The following TTC14 variants were observed in gnomAD, a reference collection of about 807,000 sequenced individuals.
TTC14 encodes the protein tetratricopeptide repeat protein 14.
TTC14 carries 63 observed loss-of-function variants against 79.9 expected under a neutral mutation model. That is an observed-to-expected ratio of 0.79 (90% CI 0.64 to 0.97). The LOEUF (loss-of-function observed/expected upper bound fraction) is 0.97. TTC14 is among the 50% of genes least tolerant of loss of function. The pLI is 0.00. For synonymous variants in TTC14, 335 were observed against 309.6 expected (o/e 1.08, Z -0.86); for missense variants, 895 against 894.0 (o/e 1.00, Z -0.01).
rs1265993698 is a variant in TTC14, at chr3:180,610,441, T to G, written c.2212T>G (p.Ser738Ala). The G allele has an allele frequency of 1.9e-6, 3 of 1,613,076 alleles. No individual in the cohort carries two copies. Among genetic ancestry groups the G allele is most frequent in the East Asian group, 2.2e-5 (1 of 44,846 alleles). The change falls in exon 12 of 12, where the codon TCA (serine) becomes GCA (alanine). Residue 738 changes from serine to alanine, a missense_variant. Ser to Ala is a moderately conservative substitution (Grantham distance 99, BLOSUM62 1). Transcript: ENST00000296015. The part of the protein sequence containing the change: ...EEDALSSKEH[S>A]ESSVKKNLPQ... Reference sequence around the variant, plus strand: ...AGATGCACTAAGTAGCAAAGAACACTCAGAAAGCAGTGTTAAGAAAAATTT... The same window carrying G: ...AGATGCACTAAGTAGCAAAGAACACGCAGAAAGCAGTGTTAAGAAAAATTT...
At chr3:180,617,024 GTCATTTA>G in intron 12 of TTC14, 2 of 911,446 alleles carry the variant, frequency 2.2e-6, no homozygotes, top group Non-Finnish European at 3.1e-6. Context: ...TTTATAACTT[GTCATTTA>G]TCAAGTATTC....
intron 1 of TTC14, 125 bp from the exon 2 acceptor site, chr3:180,602,766 C>CT (rs1716440053): frequency 1.7e-6 from 2 of 1,179,932 alleles, no homozygotes; most frequent in Admixed American, 2.9e-5. Context: ...AACTTTTTGT[C>CT]TGAGGTTGTA....
chr3:180,607,585 G>A, intron 9 of TTC14, 63 bp from the exon 10 acceptor site: 5 of 1,545,244 alleles, frequency 3.2e-6, no homozygotes, highest in Non-Finnish European at 4.3e-6. Flanking sequence ...CCTTTGACCT[G>A]TATGCATATT....
Position 180,602,408 on chromosome 3 carries a change from C to T in TTC14, c.147C>T (p.His49=). Residue 49 remains histidine (H), a synonymous_variant, in exon 1 of 12, where the codon CAC becomes CAT. Coordinates refer to ENST00000296015, the MANE Select transcript of TTC14 (RefSeq NM_133462.4). ...AEPARGPPPQ[H]PLQGRKEKRV... is the part of the protein sequence containing the mutation. Reference sequence around the variant, plus strand: ...CAGCCCGGGGCCCGCCGCCCCAGCACCCGTTGCAGGGCAGGTAATGAGACG... The same window carrying T: ...CAGCCCGGGGCCCGCCGCCCCAGCATCCGTTGCAGGGCAGGTAATGAGACG... The T allele has an allele frequency of 1.2e-6, 2 of 1,606,236 alleles. No individual in the cohort carries two copies. The highest frequency in any genetic ancestry group is 1.7e-6 in the Non-Finnish European group (2 of 1,178,928).
chr3:180,608,798 A>G lies in TTC14; in HGVS notation c.1388A>G (p.Lys463Arg). ...TSAEKLRKLL[K>R]EEKRLKKKRR... is the part of the protein sequence containing the mutation. Reference sequence around the variant, plus strand: ...GCAGAAAAGTTGCGTAAGCTCTTAAAAGAAGAGAAGAGGTAAACTATAATA... The same window carrying G: ...GCAGAAAAGTTGCGTAAGCTCTTAAGAGAAGAGAAGAGGTAAACTATAATA... The change falls in exon 11 of 12, where the codon AAA becomes AGA. Residue 463 changes from lysine to arginine, a missense_variant. Transcript: ENST00000296015. 1.3e-6 allele frequency: 2 copies of G among 1,538,298 alleles called. No individual in the cohort carries two copies. Among genetic ancestry groups the G allele is most frequent in the Non-Finnish European group, 1.7e-6 (2 of 1,148,316 alleles).
downstream of TTC14, chr3:180,611,168 TCA>T: frequency 1.0e-6 from 1 of 985,350 alleles, no homozygotes; most frequent in South Asian, 4.7e-5. Context: ...AGGAATAAGA[TCA>T]TAAAAGTTGA....
chr3:180,610,715 C>T lies in TTC14; in HGVS notation c.*173C>T, dbSNP rs1020787012. ...TCAAATTTTGTTTCAGTTCTAGGTC[C>T]CTTGTCACAGCTTGGTTTTTAGACT... On this transcript the variant is annotated 3_prime_UTR_variant, in exon 12 of 12. Transcript: ENST00000296015. 6.7e-6 allele frequency: 9 copies of T among 1,338,866 alleles called. No individual in the cohort carries two copies. The highest frequency in any genetic ancestry group is 3.7e-5 in the Admixed American group (1 of 27,132). The allele number at this position is 1,338,866 out of a possible 1,614,324, so 82.9% of individuals were successfully genotyped here.
chr3:180,612,475 GAAGC>G (rs919613227), downstream of TTC14, among the ~76,000 whole-genome samples: 5 of 152,112 alleles, frequency 3.3e-5, no homozygotes, highest in Admixed American at 1.3e-4. Flanking sequence ...CTCAAAAGTG[GAAGC>G]AAGAGGGGCT....
chr3:180,607,628 A>T lies in TTC14; in HGVS notation c.1173-20A>T, dbSNP rs1716764841. 1 of 1,594,102 alleles carries T rather than the reference A, an allele frequency of 6.3e-7. No homozygotes were observed. The highest frequency in any genetic ancestry group is 1.1e-5 in the South Asian group (1 of 87,566). On this transcript the variant is annotated intron_variant, in intron 9 of 11. Transcript: ENST00000296015. ...TTTTGTTGTTTTTACAAAAAAGCTA[A>T]ATCTTTCTTTCAAATTTAGGTTAGA...
In TTC14 at chr3:180,609,340, T is replaced by C. The variant is rs971723663; in HGVS notation, c.1401-290T>C. On this transcript the variant is annotated intron_variant, in intron 11 of 11. Coordinates refer to ENST00000296015, the MANE Select transcript of TTC14 (RefSeq NM_133462.4). ...AACTAGAGGTAGCCAAATAAAAAAG[T>C]TGAGTTCTCCTTTATGTGTTCAGTA... 5 of 1,066,070 alleles carry C rather than the reference T, an allele frequency of 4.7e-6. No individual in the cohort carries two copies. In the African/African-American group the frequency reaches 8.4e-5, roughly 18 times the overall value. 66.0% of individuals were successfully genotyped at this position (1,066,070 alleles called of 1,614,324 possible). A position where few individuals can be genotyped will look rare whatever the true frequency, so the allele number is the denominator to read the frequency against.
Position 180,607,717 on chromosome 3 carries a change from T to G in TTC14, c.1242T>G (p.Thr414=). 1 of 1,612,544 alleles carries G rather than the reference T, an allele frequency of 6.2e-7. No individual in the cohort carries two copies. Among genetic ancestry groups the G allele is most frequent in the Non-Finnish European group, 8.5e-7 (1 of 1,179,294 alleles). ...AGAAAGCTTTGGCTTTGGATGAGAC[T>G]TTTAAAGATGCAGAGGATGCTTTGC... ...YYKKALALDE[T]FKDAEDALQK... The change falls in exon 10 of 12, where the codon ACT becomes ACG. Residue 414 remains threonine (T), a synonymous_variant. Transcript: ENST00000296015.
chr3:180,606,379 G>C lies in TTC14; in HGVS notation c.1049+7G>C. 1 of 1,613,882 alleles carries C rather than the reference G, an allele frequency of 6.2e-7. No homozygotes were observed. The stretch of plus-strand genomic sequence containing the variant: ...TGGTAGCTCGTGGAGCATTGTAAGT[G>C]AATCATACATGGATTTTAAGGAATG... On this transcript the variant is annotated splice_region_variant and intron_variant, in intron 8 of 11. Transcript: ENST00000296015.
chr3:180,603,010 G>A lies in TTC14; in HGVS notation c.281G>A (p.Ser94Asn). 1.2e-6 allele frequency: 2 copies of A among 1,613,234 alleles called. No homozygotes were observed. Among genetic ancestry groups the A allele is most frequent in the Non-Finnish European group, 1.7e-6 (2 of 1,179,800 alleles). ...APATSEINEDSEDHYAIMPPL... is the reference protein window; with the variant it reads ...APATSEINEDNEDHYAIMPPL... Reference sequence around the variant, plus strand: ...GCAACTTCTGAAATTAATGAAGACAGTGAAGGTCAGTTTAGCCTTAAAATC... The same window carrying A: ...GCAACTTCTGAAATTAATGAAGACAATGAAGGTCAGTTTAGCCTTAAAATC... The change falls in exon 2 of 12, where the codon AGT (serine) becomes AAT (asparagine). Residue 94 changes from serine (S) to asparagine (N), a missense_variant. Transcript: ENST00000296015.
In TTC14 at chr3:180,602,424, T is replaced by TA; in HGVS notation, c.161+4dup. On this transcript the variant is annotated splice_region_variant and intron_variant, in intron 1 of 11. Coordinates refer to ENST00000296015, the MANE Select transcript of TTC14 (RefSeq NM_133462.4). ...GCCCCAGCACCCGTTGCAGGGCAGG[T>TA]AATGAGACGTTGGTGCCACTGCGCC... 4 of 1,599,280 alleles carry TA rather than the reference T, an allele frequency of 2.5e-6. No homozygotes were observed. Among genetic ancestry groups the TA allele is most frequent in the Non-Finnish European group, 3.4e-6 (4 of 1,177,108 alleles).
At chr3:180,612,245 C>T (rs1576926750), downstream of TTC14, among the ~76,000 whole-genome samples, 1 of 152,246 alleles carries the variant, frequency 6.6e-6, no homozygotes, top group East Asian at 1.9e-4. Flanking sequence ...AAATTTTAAA[C>T]ACAACATTTA....
Position 180,602,441 on chromosome 3 carries a change from C to T in TTC14, c.161+19C>T. The T allele has an allele frequency of 6.3e-7, 1 of 1,586,804 alleles. No homozygotes were observed. Among genetic ancestry groups the T allele is most frequent in the Non-Finnish European group, 8.5e-7 (1 of 1,172,338 alleles). On this transcript the variant is annotated intron_variant, in intron 1 of 11. Transcript: ENST00000296015. ...AGGGCAGGTAATGAGACGTTGGTGC[C>T]ACTGCGCCACGGAAGAGGGGACGCA...
rs369731004 is a variant in TTC14, at chr3:180,609,770, G to T, written c.1541G>T (p.Arg514Leu). The T allele has an allele frequency of 1.2e-6, 2 of 1,613,876 alleles. No individual in the cohort carries two copies. The highest frequency in any genetic ancestry group is 1.7e-5 in the Admixed American group (1 of 59,984). ...AAGAGGAACCGTTCAGAGTCTTCTC[G>T]CAGTTCCAGAAGGCATTCATCTAGG... Reference protein sequence around the residue: ...KHKRNRSESSRSSRRHSSRAS... With the variant: ...KHKRNRSESSLSSRRHSSRAS... The change falls in exon 12 of 12, where the codon CGC (arginine) becomes CTC (leucine). Residue 514 changes from arginine (R) to leucine (L), a missense_variant. Coordinates refer to ENST00000296015, the MANE Select transcript of TTC14 (RefSeq NM_133462.4).
At chr3:180,617,952 T>A (rs1717309491), downstream of TTC14, 1 of 153,210 alleles carries the variant, frequency 6.5e-6, no homozygotes, top group Admixed American at 6.5e-5. Context: ...AAGCTCCATT[T>A]ATGGTAAGTG....
At chr3:180,602,586 G>T (rs1361688741) in intron 1 of TTC14, 164 bp downstream of exon 1, 4 of 956,646 alleles carry the variant, frequency 4.2e-6, no homozygotes, top group South Asian at 3.5e-5. Flanking sequence ...GCGCTCCTGG[G>T]TTGTGCAATG....
Sources: gnomAD v4.1 joint callset for allele counts (sites outside exome capture counted in the v4.1 genomes callset) on GRCh38, gnomAD v4.1.1 for gene constraint, MANE v1.5 for transcripts, NCBI Gene and HGNC (gene_info 2026-07-23, HGNC 2026-07-21) for gene names.